Variants in CCDC7 observed in about 807,000 individuals in gnomAD.
The protein encoded by CCDC7 is coiled-coil domain containing 7.
A neutral mutation model predicts 196.9 loss-of-function variants in CCDC7; 183 were observed. The ratio of observed to expected loss-of-function variants is 0.93; its 90% CI spans 0.82 to 1.05. The LOEUF (loss-of-function observed/expected upper bound fraction) is 1.05, where lower values mean the gene tolerates loss of function less well. CCDC7 is among the 50% of genes least tolerant of loss of function. CCDC7 has a pLI of 0.00. For synonymous variants in CCDC7, 525 were observed against 484.6 expected (o/e 1.08, Z -1.10); for missense variants, 1,540 against 1,482.2 (o/e 1.04, Z -0.64).
intron 40 of CCDC7, among the ~76,000 whole-genome samples, chr10:32,853,243 G>T (rs1248824864): frequency 6.6e-6 from 1 of 151,844 alleles, no homozygotes; most frequent in Admixed American, 6.6e-5. Flanking sequence ...AAACAAAGAG[G>T]AGAATAAAAT....
intron 3 of CCDC7, among the ~76,000 whole-genome samples, chr10:32,461,196 A>G (rs1209527657): frequency 6.6e-6 from 1 of 152,154 alleles, no homozygotes; most frequent in Non-Finnish European, 1.5e-5. Flanking sequence ...ACATACTGAT[A>G]AACCCATCAT....
chr10:32,731,426 T>C (rs566067781), intron 28 of CCDC7, among the ~76,000 whole-genome samples: 1 of 152,286 alleles, frequency 6.6e-6, no homozygotes, highest in East Asian at 1.9e-4. Context: ...TTTAAATATT[T>C]TGGGTGAGGG....
At chr10:32,591,407 G>A (rs1317538429) in intron 18 of CCDC7, among the ~76,000 whole-genome samples, 1 of 151,546 alleles carries the variant, frequency 6.6e-6, no homozygotes, top group Non-Finnish European at 1.5e-5. Flanking sequence ...AAAATTAAGT[G>A]TTATTAGCTG....
rs899798428 is a variant in CCDC7, at chr10:32,568,040, C to A, written c.1419+149C>A. The A allele has an allele frequency of 1.9e-5, 15 of 799,040 alleles. No individual in the cohort carries two copies. The African/African-American group carries it at 2.1e-4, about 11-fold the overall frequency. The allele number at this position is 799,040 out of a possible 1,614,324, so 49.5% of individuals were successfully genotyped here. On this transcript the variant is annotated intron_variant, in intron 15 of 41. Coordinates refer to ENST00000639629, the Ensembl canonical transcript of CCDC7. ...TTTTTTTTTTTGAGATGGAGTCTTG[C>A]TCTGTCGCCAGGCTAGAGTGCTATG...
At chr10:32,688,655 G>T (rs1011010437) in intron 22 of CCDC7, among the ~76,000 whole-genome samples, 1 of 152,020 alleles carries the variant, frequency 6.6e-6, no homozygotes, top group African/African-American at 2.4e-5. Flanking sequence ...AGTTGATATT[G>T]TCATAGTTTA....
intron 11 of CCDC7, among the ~76,000 whole-genome samples, chr10:32,539,453 TA>T (rs572132688): frequency 7.2e-4 from 109 of 152,182 alleles, no homozygotes; most frequent in African/African-American, 2.4e-3. Flanking sequence ...TCTATCTTAT[TA>T]TTTTTTTTTA....
chr10:32,811,386 TG>T, intron 30 of CCDC7, among the ~76,000 whole-genome samples: 1 of 152,196 alleles, frequency 6.6e-6, no homozygotes, highest in Middle Eastern at 3.4e-3. Context: ...GCTGATAAAC[TG>T]GAAAATCTAG....
intron 33 of CCDC7, among the ~76,000 whole-genome samples, chr10:32,837,076 G>A (rs1041428564): frequency 1.3e-5 from 2 of 152,024 alleles, no homozygotes; most frequent in African/African-American, 4.8e-5. Flanking sequence ...TGACAAACGG[G>A]ATCTAATTAA....
chr10:32,671,419 G>A (rs1006377069), intron 21 of CCDC7, among the ~76,000 whole-genome samples: 1 of 152,122 alleles, frequency 6.6e-6, no homozygotes, highest in African/African-American at 2.4e-5. Context: ...ACTTAGGTGT[G>A]TAGTAGGCTA....
At chr10:32,857,791 C>T (rs1022744540) in intron 41 of CCDC7, among the ~76,000 whole-genome samples, 2 of 149,684 alleles carry the variant, frequency 1.3e-5, no homozygotes, top group East Asian at 3.9e-4. Flanking sequence ...AGAATTAAAT[C>T]GAATAGAGAA....
intron 8 of CCDC7, among the ~76,000 whole-genome samples, chr10:32,476,400 T>A (rs3006724): frequency 0.021 from 3,179 of 152,242 alleles, 46 homozygotes; most frequent in Non-Finnish European, 0.034. Flanking sequence ...ACAGTTTATT[T>A]CTTTTTAATT....
rs146566433 is a variant in CCDC7, at chr10:32,788,440, C to T, written c.3013+9356C>T. Among the ~76,000 whole-genome samples, 467 of 152,316 alleles carry T rather than the reference C, an allele frequency of 3.1e-3. 6 individuals carry two copies. The highest frequency in any genetic ancestry group is 2.6e-3 in the Non-Finnish European group (175 of 68,020). On this transcript the variant is annotated intron_variant, in intron 29 of 41. Coordinates refer to ENST00000639629, the Ensembl canonical transcript of CCDC7. Reference sequence around the variant, plus strand: ...TATTTATGTGTATCCAACCTCTAGGCCTGCCTCAGTACCAGGCCAGTCTGC... The same window carrying T: ...TATTTATGTGTATCCAACCTCTAGGTCTGCCTCAGTACCAGGCCAGTCTGC...
At chr10:32,857,723 T>C (rs1034272277) in intron 41 of CCDC7, among the ~76,000 whole-genome samples, 1 of 151,394 alleles carries the variant, frequency 6.6e-6, no homozygotes, top group Non-Finnish European at 1.5e-5. Context: ...CTCAAGGAGT[T>C]GGAAAAAGAA....
intron 28 of CCDC7, among the ~76,000 whole-genome samples, chr10:32,772,301 G>A (rs539378965): frequency 3.0e-4 from 45 of 152,284 alleles, no homozygotes; most frequent in African/African-American, 9.4e-4. Context: ...CACTCATTTG[G>A]TGAGGCAGAT....
chr10:32,692,930 T>C (rs1169878603), intron 23 of CCDC7, among the ~76,000 whole-genome samples: 1 of 152,168 alleles, frequency 6.6e-6, no homozygotes, highest in Admixed American at 6.5e-5. Flanking sequence ...GAGGCTGAGT[T>C]AGCTGGAGCT....
rs574023178 is a variant in CCDC7, at chr10:32,787,964, C to A, written c.3013+8880C>A. Reference sequence around the variant, plus strand: ...CCAGTCCAGCTCCCACAGATTCAGCCTCTAGTCTTGCTCCACTTCCAGGCA... The same window carrying A: ...CCAGTCCAGCTCCCACAGATTCAGCATCTAGTCTTGCTCCACTTCCAGGCA... On this transcript the variant is annotated intron_variant, in intron 29 of 41. Transcript: ENST00000639629. Among the ~76,000 whole-genome samples, 8 of 152,274 alleles carry A rather than the reference C, an allele frequency of 5.3e-5. No homozygotes were observed. The East Asian group carries it at 9.7e-4, about 18-fold the overall frequency.
At chr10:32,509,444 A>C (rs576558737) in intron 9 of CCDC7, among the ~76,000 whole-genome samples, 7 of 151,340 alleles carry the variant, frequency 4.6e-5, no homozygotes, top group Admixed American at 4.6e-4. Flanking sequence ...AAACCGTAAA[A>C]CTCCTCGATG....
At chr10:32,795,537 T>G (rs2083416740) in intron 29 of CCDC7, among the ~76,000 whole-genome samples, 1 of 152,214 alleles carries the variant, frequency 6.6e-6, no homozygotes, top group African/African-American at 2.4e-5. Context: ...GTCGGAAAAC[T>G]CTCATCATCT....
chr10:32,477,002 G>A (rs1414881287), intron 8 of CCDC7, among the ~76,000 whole-genome samples: 1 of 151,958 alleles, frequency 6.6e-6, no homozygotes, highest in African/African-American at 2.4e-5. Flanking sequence ...TCAGTCTGTG[G>A]CTTATCTTTT....
Sources: gnomAD v4.1 joint callset for allele counts (sites outside exome capture counted in the v4.1 genomes callset) on GRCh38, gnomAD v4.1.1 for gene constraint, MANE v1.5 for transcripts, NCBI Gene and HGNC (gene_info 2026-07-23, HGNC 2026-07-21) for gene names.